Variants in TGM7 observed in about 807,000 individuals in gnomAD.
TGM7 encodes the protein protein-glutamine gamma-glutamyltransferase Z.
In TGM7, 74 loss-of-function variants were observed where a neutral mutation model predicts 79.5. The observed-to-expected ratio is 0.93, with a 90% CI of 0.77 to 1.13. TGM7 has a LOEUF of 1.13. Among genes scored for constraint, TGM7 ranks in the 50% most tolerant of loss-of-function variants. TGM7 has a pLI of 0.00. For synonymous variants in TGM7, 354 were observed against 362.5 expected (o/e 0.98, Z 0.27); for missense variants, 912 against 905.9 (o/e 1.01, Z -0.09).
intron 7 of TGM7, 109 bp from the exon 8 acceptor site, chr15:43,282,729 TA>T: frequency 1.1e-6 from 1 of 888,792 alleles, no homozygotes; most frequent in Non-Finnish European, 1.7e-6. Flanking sequence ...TACTTTTTAT[TA>T]GGAAGTAATT....
chr15:43,296,158 G>T (rs1169153946), intron 1 of TGM7, among the ~76,000 whole-genome samples: 2 of 152,178 alleles, frequency 1.3e-5, no homozygotes, highest in East Asian at 3.8e-4. Context: ...GGGTGAGGTG[G>T]CTCACGCCTG....
At chr15:43,295,624 A>G (rs147694358) in intron 1 of TGM7, among the ~76,000 whole-genome samples, 15 of 152,346 alleles carry the variant, frequency 9.8e-5, no homozygotes, top group African/African-American at 3.6e-4. Flanking sequence ...CTCTTTGGGC[A>G]TAGCTGTTCA....
rs1380096539 is a variant in TGM7, at chr15:43,286,150, A to G, written c.865+1130T>C. 3.3e-5 allele frequency among the ~76,000 whole-genome samples: 5 copies of G among 152,336 alleles called. No individual in the cohort carries two copies. The South Asian group carries it at 1.0e-3, about 32-fold the overall frequency. On this transcript the variant is annotated intron_variant, in intron 6 of 12. Transcript: ENST00000452443. The stretch of plus-strand genomic sequence containing the variant: ...TGTCTGCAGTCACCTGTCCACTCAC[A>G]GCACAGCTCCTGGGCTTGTCACAGA...
rs769530051 is a variant in TGM7 at position 43,281,994 on chromosome 15, T to C, written c.1201A>G (p.Asn401Asp). The change falls in exon 9 of 13, where the codon AAC (asparagine) becomes GAC (aspartate). Residue 401 changes from asparagine to aspartate, a missense_variant. By Grantham distance (23) the Asn-to-Asp change is conservative. Transcript: ENST00000452443. ...YDTPFVYAEV[N>D]ADEVIWLLGD... Reference sequence around the variant, plus strand: ...AGGAGCCAAATGACTTCATCGGCGTTCACCTCGGCATACACAAAAGGGGTG... The same window carrying C: ...AGGAGCCAAATGACTTCATCGGCGTCCACCTCGGCATACACAAAAGGGGTG... The C allele has an allele frequency of 6.2e-7, 1 of 1,614,086 alleles. No individual in the cohort carries two copies. Among genetic ancestry groups the C allele is most frequent in the South Asian group, 1.1e-5 (1 of 91,080 alleles).
intron 4 of TGM7, among the ~76,000 whole-genome samples, chr15:43,290,077 C>G (rs548226904): frequency 6.6e-6 from 1 of 152,226 alleles, no homozygotes; most frequent in East Asian, 1.9e-4. Flanking sequence ...AATTAGATCC[C>G]ATTTGTCGAT....
At chr15:43,290,456 T>G (rs1471762092) in intron 4 of TGM7, among the ~76,000 whole-genome samples, 1 of 152,242 alleles carries the variant, frequency 6.6e-6, no homozygotes, top group East Asian at 1.9e-4. Flanking sequence ...CATGCTGTTT[T>G]GGTTACTGTA....
intron 1 of TGM7, among the ~76,000 whole-genome samples, chr15:43,294,906 T>TG (rs1484499743): frequency 6.6e-6 from 1 of 151,654 alleles, no homozygotes; most frequent in Non-Finnish European, 1.5e-5. Context: ...CTTGATCCTT[T>TG]TTTTTTTTTG....
rs754202746 is a variant in TGM7, at chr15:43,292,886, C to T, written c.262G>A (p.Val88Ile). The T allele has an allele frequency of 6.2e-7, 1 of 1,613,890 alleles. No homozygotes were observed. Among genetic ancestry groups the T allele is most frequent in the African/African-American group, 1.3e-5 (1 of 74,944 alleles). The change falls in exon 3 of 13, where the codon GTC becomes ATC. Residue 88 changes from valine to isoleucine, a missense_variant. Physicochemically the swap from Val to Ile is conservative, Grantham distance 29. Coordinates refer to ENST00000452443, the MANE Select transcript of TGM7 (RefSeq NM_052955.3). ...FFLTRVQPGNVWSASDFTIDS... is the reference protein window; with the variant it reads ...FFLTRVQPGNIWSASDFTIDS... ...ATGGTGAAATCAGAAGCGCTCCAGA[C>T]ATTCCCGGGCTGGACCCGGGTGAGG...
chr15:43,277,240 G>T lies in TGM7; in HGVS notation c.1840-245C>A, dbSNP rs505276. 2.1e-3 allele frequency among the ~76,000 whole-genome samples: 314 copies of T among 152,336 alleles called. 1 individual carries two copies. The highest frequency in any genetic ancestry group is 6.4e-3 in the African/African-American group (266 of 41,566). ...AGCAGTTGCCACCAAGCTGAAACCCGTTTCTGTCCCCACCATCTAGTTCAA... is the reference window on the plus strand; with the variant it reads ...AGCAGTTGCCACCAAGCTGAAACCCTTTTCTGTCCCCACCATCTAGTTCAA... On this transcript the variant is annotated intron_variant, in intron 11 of 12. Coordinates refer to ENST00000452443, the MANE Select transcript of TGM7 (RefSeq NM_052955.3).
rs75537788 is a variant in TGM7, at chr15:43,287,542, A to G, written c.686T>C (p.Met229Thr). ...VVYVCRVVSA[M>T]INSNDDNGVL... ...ACGGCGGGAAGCATCCATCCTTACC[A>G]TGGCACTCACCACCCTGCACACATA... The change falls in exon 5 of 13, where the codon ATG becomes ACG. Residue 229 changes from methionine (M) to threonine (T), a missense_variant and splice_region_variant. Met to Thr is a moderately conservative substitution (Grantham distance 81). Coordinates refer to ENST00000452443, the MANE Select transcript of TGM7 (RefSeq NM_052955.3). 1.8e-3 allele frequency: 2,866 copies of G among 1,613,586 alleles called. 61 individuals are homozygous for G. In the African/African-American group the frequency reaches 0.034, roughly 19 times the overall value.
intron 4 of TGM7, 68 bp downstream of exon 4, chr15:43,291,911 A>G: frequency 1.7e-6 from 2 of 1,168,476 alleles, no homozygotes; most frequent in Admixed American, 1.7e-5. Context: ...ACAGCCTTAC[A>G]TAACAGGGTT....
At chr15:43,278,280 A>G (rs926559819) in intron 11 of TGM7, among the ~76,000 whole-genome samples, 1 of 152,214 alleles carries the variant, frequency 6.6e-6, no homozygotes, top group Non-Finnish European at 1.5e-5. Flanking sequence ...GCTTTCGGGA[A>G]GGAAAACCCT....
At chr15:43,298,416 A>G (rs555472638) in intron 1 of TGM7, among the ~76,000 whole-genome samples, 4 of 152,186 alleles carry the variant, frequency 2.6e-5, no homozygotes, top group African/African-American at 9.6e-5. Flanking sequence ...ATGGGTAGAT[A>G]AAATGTTACA....
intron 11 of TGM7, among the ~76,000 whole-genome samples, chr15:43,278,165 G>A (rs1018513088): frequency 3.3e-5 from 5 of 152,356 alleles, no homozygotes; most frequent in East Asian, 1.9e-4. Context: ...TCTCTATTGG[G>A]GTGGGGAGGG....
intron 1 of TGM7, among the ~76,000 whole-genome samples, chr15:43,301,144 G>A (rs1003770039): frequency 3.3e-5 from 5 of 151,338 alleles, no homozygotes; most frequent in Admixed American, 6.6e-5. Context: ...CACCATACCC[G>A]GCTAATTTTT....
rs1310620925 is a variant in TGM7, at chr15:43,293,496, C to A, written c.146G>T (p.Arg49Leu). The A allele has an allele frequency of 6.2e-7, 1 of 1,611,166 alleles. No individual in the cohort carries two copies. The highest frequency in any genetic ancestry group is 8.5e-7 in the Non-Finnish European group (1 of 1,179,120). Residue 49 changes from arginine (R) to leucine (L), a missense_variant, in exon 2 of 13, where the codon CGA becomes CTA. By Grantham distance (102) the Arg-to-Leu change is moderately radical. Transcript: ENST00000452443. ...QPFYLRLSFS[R>L]PFQSQNDHIT... is the part of the protein sequence containing the mutation. Reference sequence around the variant, plus strand: ...GTGGTCGTTCTGGGACTGGAAGGGTCGGCTGAAGCTCAGCCGGAGGTAGAA... The same window carrying A: ...GTGGTCGTTCTGGGACTGGAAGGGTAGGCTGAAGCTCAGCCGGAGGTAGAA...
At position 43,276,355 on chromosome 15, in the gene TGM7, G is replaced by T; in HGVS notation, c.*100C>A. On this transcript the variant is annotated 3_prime_UTR_variant, in exon 13 of 13. Coordinates refer to ENST00000452443, the MANE Select transcript of TGM7 (RefSeq NM_052955.3). ...CAGAGCTTCATTCATTCCCAGGCAG[G>T]CTAGAGAGAGGACAGAGGTGGAGCC... 1.5e-6 allele frequency: 2 copies of T among 1,371,786 alleles called. No homozygotes were observed. The highest frequency in any genetic ancestry group is 9.9e-7 in the Non-Finnish European group (1 of 1,005,886). 85.0% of individuals were successfully genotyped at this position (1,371,786 alleles called of 1,614,324 possible). A position where few individuals can be genotyped will look rare whatever the true frequency, so the allele number is the denominator to read the frequency against.
At chr15:43,287,959 G>A (rs2042944472) in intron 4 of TGM7, among the ~76,000 whole-genome samples, 1 of 152,166 alleles carries the variant, frequency 6.6e-6, no homozygotes, top group African/African-American at 2.4e-5. Flanking sequence ...GAAGGCTTTG[G>A]TGCCAATGGG....
At position 43,279,696 on chromosome 15, in the gene TGM7, A is replaced by G. The variant is rs2042896749; in HGVS notation, c.1607T>C (p.Leu536Pro). Reference protein sequence around the residue: ...GLVVRFCAQALLHGGGTQKPF... With the variant: ...GLVVRFCAQAPLHGGGTQKPF... ...CTTCTGGGTACCACCCCCATGCAGC[A>G]GGGCCTGTGCACAGAAGCGCACCAC... The change falls in exon 10 of 13, where the codon CTG becomes CCG. Residue 536 changes from leucine (L) to proline (P), a missense_variant. Physicochemically the swap from Leu to Pro is moderately conservative, Grantham distance 98. Coordinates refer to ENST00000452443, the MANE Select transcript of TGM7 (RefSeq NM_052955.3). 1.2e-6 allele frequency: 2 copies of G among 1,613,764 alleles called. No homozygotes were observed. The highest frequency in any genetic ancestry group is 2.7e-5 in the African/African-American group (2 of 74,938).
Sources: gnomAD v4.1 joint callset for allele counts (sites outside exome capture counted in the v4.1 genomes callset) on GRCh38, gnomAD v4.1.1 for gene constraint, MANE v1.5 for transcripts, NCBI Gene and HGNC (gene_info 2026-07-23, HGNC 2026-07-21) for gene names.